Variants in GPER1 observed in about 807,000 individuals in gnomAD.
The protein encoded by GPER1 is G protein-coupled estrogen receptor 1.
In GPER1, 2 loss-of-function variants were observed where a neutral mutation model predicts 0.6. The ratio of observed to expected loss-of-function variants is 3.41; its 90% CI spans 1.39 to 10.72. The LOEUF (loss-of-function observed/expected upper bound fraction) is 10.72, where lower values mean the gene tolerates loss of function less well. Ranked by LOEUF, GPER1 falls within the 30% of genes most tolerant of loss-of-function variation. The pLI, the probability that GPER1 is intolerant of heterozygous loss-of-function variation, is 0.04. For synonymous variants in GPER1, 263 were observed against 247.6 expected (o/e 1.06, Z -0.58); for missense variants, 441 against 535.2 (o/e 0.82, Z 1.74).
In GPER1 at chr7:1,092,921, C is replaced by A. The variant is rs989315448; in HGVS notation, c.*65C>A. On this transcript the variant is annotated 3_prime_UTR_variant, in exon 2 of 2. Transcript: ENST00000397088. Reference sequence around the variant, plus strand: ...GGAGCTGCACACACCTGGGTGGACACAAGGCACGGCCACGTCATGTCTCTA... The same window carrying A: ...GGAGCTGCACACACCTGGGTGGACAAAAGGCACGGCCACGTCATGTCTCTA... 1 of 1,437,428 alleles carries A rather than the reference C, an allele frequency of 7.0e-7. No homozygotes were observed. Among genetic ancestry groups the A allele is most frequent in the Non-Finnish European group, 9.7e-7 (1 of 1,030,638 alleles). 89.0% of individuals were successfully genotyped at this position (1,437,428 alleles called of 1,614,324 possible). A position where few individuals can be genotyped will look rare whatever the true frequency, so the allele number is the denominator to read the frequency against.
In GPER1 at chr7:1,092,425, T is replaced by G; in HGVS notation, c.697T>G (p.Cys233Gly). The change falls in exon 2 of 2, where the codon TGC (cysteine) becomes GGC (glycine). Residue 233 changes from cysteine (C) to glycine (G), a missense_variant. By Grantham distance (159) the Cys-to-Gly change is radical. Transcript: ENST00000397088. ...FIVPFAIIGL[C>G]YSLIVRVLVR... ...CGTGCCCTTCGCCATCATCGGCCTG[T>G]GCTACTCCCTCATTGTCCGGGTGCT... The G allele has an allele frequency of 6.2e-7, 1 of 1,609,150 alleles. No individual in the cohort carries two copies.
Position 1,092,775 on chromosome 7 carries a change from C to T in GPER1, c.1047C>T (p.Asn349=). The change falls in exon 2 of 2, where the codon AAC becomes AAT. Residue 349 remains asparagine, a synonymous_variant. Coordinates refer to ENST00000397088, the MANE Select transcript of GPER1 (RefSeq NM_001098201.3). ...IEQKTNLPAL[N]RFCHAALKAV... ...AGAAAACAAATTTGCCGGCCCTGAA[C>T]CGCTTCTGTCACGCTGCCCTGAAGG... 6.2e-7 allele frequency: 1 copy of T among 1,613,660 alleles called. No homozygotes were observed. The highest frequency in any genetic ancestry group is 1.6e-4 in the Middle Eastern group (1 of 6,062).
At chr7:1,089,001 G>C (rs918793499) in intron 1 of GPER1, among the ~76,000 whole-genome samples, 1 of 152,050 alleles carries the variant, frequency 6.6e-6, no homozygotes, top group African/African-American at 2.4e-5. Flanking sequence ...TTTTCCCTTG[G>C]AGTTCATTTA....
At chr7:1,089,229 G>GT (rs1256258550) in intron 1 of GPER1, among the ~76,000 whole-genome samples, 1 of 152,140 alleles carries the variant, frequency 6.6e-6, no homozygotes, top group Non-Finnish European at 1.5e-5. Flanking sequence ...CTGTTCAATG[G>GT]TATTATCTAC....
chr7:1,087,866 G>A (rs1279384824), upstream of GPER1, among the ~76,000 whole-genome samples: 1 of 152,204 alleles, frequency 6.6e-6, no homozygotes, highest in Non-Finnish European at 1.5e-5. Flanking sequence ...ACAACACCTA[G>A]TATGATGCCT....
At position 1,092,585 on chromosome 7, in the gene GPER1, G is replaced by C. The variant is rs569932251; in HGVS notation, c.857G>C (p.Arg286Pro). ...NVFISVHLLQ[R>P]TQPGAAPCKQ... ...TTCATCAGCGTGCACCTCCTGCAGC[G>C]GACGCAGCCTGGGGCCGCTCCCTGC... Residue 286 changes from arginine (R) to proline (P), a missense_variant, in exon 2 of 2, where the codon CGG (arginine) becomes CCG (proline). By Grantham distance (103) the Arg-to-Pro change is moderately radical. Coordinates refer to ENST00000397088, the MANE Select transcript of GPER1 (RefSeq NM_001098201.3). 12 of 1,611,134 alleles carry C rather than the reference G, an allele frequency of 7.4e-6. No individual in the cohort carries two copies. Among genetic ancestry groups the C allele is most frequent in the Non-Finnish European group, 1.0e-5 (12 of 1,180,034 alleles).
intron 1 of GPER1, among the ~76,000 whole-genome samples, chr7:1,089,216 A>G (rs1012311044): frequency 1.3e-5 from 2 of 152,240 alleles, no homozygotes; most frequent in African/African-American, 4.8e-5. Context: ...AGAGGCATTT[A>G]TGCTGTTCAA....
At position 1,092,219 on chromosome 7, in the gene GPER1, G is replaced by C; in HGVS notation, c.491G>C (p.Arg164Pro). The C allele has an allele frequency of 6.2e-7, 1 of 1,612,820 alleles. No individual in the cohort carries two copies. ...TACATCGCCCTGGCCAGGGCCATGC[G>C]CTGCAGCCTGTTCCGCACCAAGCAC... ...DRYIALARAM[R>P]CSLFRTKHHA... is the part of the protein sequence containing the mutation. Residue 164 changes from arginine to proline, a missense_variant, in exon 2 of 2, where the codon CGC becomes CCC. By Grantham distance (103) the Arg-to-Pro change is moderately radical (BLOSUM62 -2). Coordinates refer to ENST00000397088, the MANE Select transcript of GPER1 (RefSeq NM_001098201.3).
chr7:1,092,483 C>T lies in GPER1; in HGVS notation c.755C>T (p.Pro252Leu). The change falls in exon 2 of 2, where the codon CCC becomes CTC. Residue 252 changes from proline (P) to leucine (L), a missense_variant. Coordinates refer to ENST00000397088, the MANE Select transcript of GPER1 (RefSeq NM_001098201.3). ...GCGCACCGGCACCGTGGGCTGCGGCCCCGGCGGCAGAAGGCGCTCCGCATG... is the reference window on the plus strand; with the variant it reads ...GCGCACCGGCACCGTGGGCTGCGGCTCCGGCGGCAGAAGGCGCTCCGCATG... Reference protein sequence around the residue: ...VRAHRHRGLRPRRQKALRMIL... With the variant: ...VRAHRHRGLRLRRQKALRMIL... The T allele has an allele frequency of 6.2e-7, 1 of 1,607,718 alleles. No homozygotes were observed. Among genetic ancestry groups the T allele is most frequent in the Non-Finnish European group, 8.5e-7 (1 of 1,179,688 alleles).
Position 1,093,405 on chromosome 7 carries a change from T to C in GPER1, c.*549T>C, listed in dbSNP as rs570783178. On this transcript the variant is annotated 3_prime_UTR_variant, in exon 2 of 2. Coordinates refer to ENST00000397088, the MANE Select transcript of GPER1 (RefSeq NM_001098201.3). ...CGAGTTAAAGAGGAGAAGGAAAACA[T>C]GCTGCTCTGGTGCACGCCTGAGCGT... 2 of 453,446 alleles carry C rather than the reference T, an allele frequency of 4.4e-6. No homozygotes were observed. Among genetic ancestry groups the C allele is most frequent in the East Asian group, 1.4e-4 (2 of 13,990 alleles). 28.1% of individuals were successfully genotyped at this position (453,446 alleles called of 1,614,324 possible).
Position 1,093,627 on chromosome 7 carries a change from T to C in GPER1, c.*771T>C. The C allele has an allele frequency of 2.1e-6, 1 of 471,082 alleles. No homozygotes were observed. The allele number at this position is 471,082 out of a possible 1,614,324, so 29.2% of individuals were successfully genotyped here. A position where few individuals can be genotyped will look rare whatever the true frequency, so the allele number is the denominator to read the frequency against. Reference sequence around the variant, plus strand: ...TGGACTGGGACCGTGCGAGCTGCCGTGTGGGTTAGTCGGGTGCCAGGACAA... The same window carrying C: ...TGGACTGGGACCGTGCGAGCTGCCGCGTGGGTTAGTCGGGTGCCAGGACAA... On this transcript the variant is annotated 3_prime_UTR_variant, in exon 2 of 2. Transcript: ENST00000397088.
Position 1,093,195 on chromosome 7 carries a change from A to G in GPER1, c.*339A>G, listed in dbSNP as rs1788202708. ...TGCCGCTGCAGGAAACATTTCTGAC[A>G]CCGTCGACCAGGAAAGCCACACGGA... On this transcript the variant is annotated 3_prime_UTR_variant, in exon 2 of 2. Coordinates refer to ENST00000397088, the MANE Select transcript of GPER1 (RefSeq NM_001098201.3). 1 of 523,224 alleles carries G rather than the reference A, an allele frequency of 1.9e-6. No individual in the cohort carries two copies. Among genetic ancestry groups the G allele is most frequent in the Non-Finnish European group, 3.8e-6 (1 of 261,872 alleles). 32.4% of individuals were successfully genotyped at this position (523,224 alleles called of 1,614,324 possible).
At position 1,092,268 on chromosome 7, in the gene GPER1, C is replaced by A. The variant is rs1788072686; in HGVS notation, c.540C>A (p.Leu180=). 6.2e-7 allele frequency: 1 copy of A among 1,612,166 alleles called. No homozygotes were observed. The change falls in exon 2 of 2, where the codon CTC becomes CTA. Residue 180 remains leucine (L), a synonymous_variant. Coordinates refer to ENST00000397088, the MANE Select transcript of GPER1 (RefSeq NM_001098201.3). ...ACCACGCCCGGCTGAGCTGTGGCCT[C>A]ATCTGGATGGCATCCGTGTCAGCCA... ...TKHHARLSCG[L]IWMASVSATL... is the part of the protein sequence containing the mutation.
rs1222161581 is a variant in GPER1, at chr7:1,093,662, C to A, written c.*806C>A. 1 of 471,064 alleles carries A rather than the reference C, an allele frequency of 2.1e-6. No homozygotes were observed. Among genetic ancestry groups the A allele is most frequent in the Admixed American group, 2.3e-5 (1 of 42,586 alleles). 29.2% of individuals were successfully genotyped at this position (471,064 alleles called of 1,614,324 possible). A position where few individuals can be genotyped will look rare whatever the true frequency, so the allele number is the denominator to read the frequency against. ...TCGGGTGCCAGGACAATGAAATACT[C>A]CAGCACCTGTGGCTGACGAATTTGT... is the stretch of plus-strand genomic sequence containing the variant. On this transcript the variant is annotated 3_prime_UTR_variant, in exon 2 of 2. Coordinates refer to ENST00000397088, the MANE Select transcript of GPER1 (RefSeq NM_001098201.3).
chr7:1,092,013 C>A lies in GPER1; in HGVS notation c.285C>A (p.Asp95Glu). The A allele has an allele frequency of 6.2e-7, 1 of 1,614,154 alleles. No individual in the cohort carries two copies. Among genetic ancestry groups the A allele is most frequent in the Non-Finnish European group, 8.5e-7 (1 of 1,180,028 alleles). The change falls in exon 2 of 2, where the codon GAC becomes GAA. Residue 95 changes from aspartate (D) to glutamate (E), a missense_variant. Physicochemically the swap from Asp to Glu is conservative, Grantham distance 45 (BLOSUM62 2). Transcript: ENST00000397088. ...TCCGCGAGAAGATGACCATCCCCGA[C>A]CTGTACTTCATCAACCTGGCGGTGG... ...ISFREKMTIPDLYFINLAVAD... is the reference protein window; with the variant it reads ...ISFREKMTIPELYFINLAVAD...
chr7:1,092,100 C>T lies in GPER1; in HGVS notation c.372C>T (p.Tyr124=), dbSNP rs146694426. ...IEVFNLHERY[Y]DIAVLCTFMS... is the part of the protein sequence containing the mutation. ...TGTTCAACCTGCACGAGCGGTACTA[C>T]GACATCGCCGTCCTGTGCACCTTCA... Residue 124 remains tyrosine (Y), a synonymous_variant, in exon 2 of 2, where the codon TAC becomes TAT. Transcript: ENST00000397088. 8.2e-5 allele frequency: 132 copies of T among 1,613,846 alleles called. No homozygotes were observed. The highest frequency in any genetic ancestry group is 3.8e-4 in the East Asian group (17 of 44,892).
Position 1,092,424 on chromosome 7 carries a change from G to C in GPER1, c.696G>C (p.Leu232=), listed in dbSNP as rs1481738540. 3 of 1,609,012 alleles carry C rather than the reference G, an allele frequency of 1.9e-6. No individual in the cohort carries two copies. The highest frequency in any genetic ancestry group is 2.7e-5 in the African/African-American group (2 of 74,898). ...TCGTGCCCTTCGCCATCATCGGCCTGTGCTACTCCCTCATTGTCCGGGTGC... is the reference window on the plus strand; with the variant it reads ...TCGTGCCCTTCGCCATCATCGGCCTCTGCTACTCCCTCATTGTCCGGGTGC... The part of the protein sequence containing the change: ...GFIVPFAIIG[L]CYSLIVRVLV... The change falls in exon 2 of 2, where the codon CTG becomes CTC. Residue 232 remains leucine (L), a synonymous_variant. Transcript: ENST00000397088.
intron 1 of GPER1, among the ~76,000 whole-genome samples, chr7:1,090,886 A>C (rs1158437794): frequency 6.6e-6 from 1 of 152,248 alleles, no homozygotes; most frequent in Non-Finnish European, 1.5e-5. Flanking sequence ...GGTACCTAGA[A>C]CACAGAACTA....
Position 1,093,328 on chromosome 7 carries a change from G to T in GPER1, c.*472G>T. 2.4e-6 allele frequency: 1 copy of T among 423,416 alleles called. No homozygotes were observed. Among genetic ancestry groups the T allele is most frequent in the Non-Finnish European group, 5.0e-6 (1 of 200,930 alleles). 26.2% of individuals were successfully genotyped at this position (423,416 alleles called of 1,614,324 possible). A position where few individuals can be genotyped will look rare whatever the true frequency, so the allele number is the denominator to read the frequency against. The stretch of plus-strand genomic sequence containing the variant: ...GCAAGGTGCTGGTGGGTCTGAGCTG[G>T]ACGTCGCGGTGTGTCCTCTGTGCCC... On this transcript the variant is annotated 3_prime_UTR_variant, in exon 2 of 2. Transcript: ENST00000397088.
Sources: gnomAD v4.1 joint callset for allele counts (sites outside exome capture counted in the v4.1 genomes callset) on GRCh38, gnomAD v4.1.1 for gene constraint, MANE v1.5 for transcripts, NCBI Gene and HGNC (gene_info 2026-07-23, HGNC 2026-07-21) for gene names.